Variants in ADAM10 observed in about 807,000 individuals in gnomAD.
The protein encoded by ADAM10 is disintegrin and metalloproteinase domain-containing protein 10.
Under a neutral mutation model 90.1 loss-of-function variants are expected in ADAM10, and 17 were observed. The observed-to-expected ratio is 0.19, with a 90% CI of 0.13 to 0.28. ADAM10 has a LOEUF of 0.28. ADAM10 is among the 10% of genes least tolerant of loss of function. The pLI, the probability that ADAM10 is intolerant of heterozygous loss-of-function variation, is 1.00. For synonymous variants in ADAM10, 310 were observed against 298.6 expected (o/e 1.04, Z -0.40); for missense variants, 610 against 914.3 (o/e 0.67, Z 4.29).
chr15:58,728,955 G>A (rs1306844510), intron 1 of ADAM10, among the ~76,000 whole-genome samples: 1 of 152,126 alleles, frequency 6.6e-6, no homozygotes, highest in Non-Finnish European at 1.5e-5. Context: ...AAGAACATTG[G>A]GGGAAACCAA....
chr15:58,682,281 G>C lies in ADAM10; in HGVS notation c.240C>G (p.Ser80=). Residue 80 remains serine (S), a synonymous_variant, in exon 3 of 16, where the codon TCC becomes TCG. Transcript: ENST00000260408. The stretch of plus-strand genomic sequence containing the variant: ...CTACTTTAAATTCATCACTGAAAAG[G>C]GAAGTGTCCCTCTTCATTCGTAGGT... ...HFNLRMKRDT[S]LFSDEFKVET... is the part of the protein sequence containing the mutation. The C allele has an allele frequency of 5.6e-6, 9 of 1,612,928 alleles. No homozygotes were observed. The highest frequency in any genetic ancestry group is 7.6e-6 in the Non-Finnish European group (9 of 1,179,472).
chr15:58,680,183 C>T (rs1897391255), intron 3 of ADAM10, among the ~76,000 whole-genome samples: 1 of 152,088 alleles, frequency 6.6e-6, no homozygotes, highest in Admixed American at 6.6e-5. Flanking sequence ...AGTGCAGTGA[C>T]GAGCTCATGG....
chr15:58,624,541 T>C (rs1211776868), intron 10 of ADAM10, among the ~76,000 whole-genome samples: 1 of 152,204 alleles, frequency 6.6e-6, no homozygotes, highest in East Asian at 1.9e-4. Context: ...ACTGTTTGTT[T>C]GTTTGTCTGA....
Position 58,610,325 on chromosome 15 carries a change from AGCTCTGGACTAAAAATT to A in ADAM10, c.1980_1996del (p.Ile661LeufsTer2). The A allele has an allele frequency of 6.2e-7, 1 of 1,614,140 alleles. No individual in the cohort carries two copies. The highest frequency in any genetic ancestry group is 8.5e-7 in the Non-Finnish European group (1 of 1,179,974). On this transcript the variant is annotated frameshift_variant, in exon 14 of 16. Transcript: ENST00000260408. LOFTEE classifies it high-confidence loss of function. ...AATCCATTCAGCAATGTTTTCATAG[AGCTCTGGACTAAAAATT>A]GCTTTTTTAAGCCTAGCTAGAGGAC...
At chr15:58,639,116 A>T (rs1166331251) in intron 8 of ADAM10, among the ~76,000 whole-genome samples, 1 of 152,196 alleles carries the variant, frequency 6.6e-6, no homozygotes, top group Non-Finnish European at 1.5e-5. Context: ...TCACTTACCC[A>T]GGAGGCATTT....
At chr15:58,601,405 G>C (rs531762203) in intron 14 of ADAM10, among the ~76,000 whole-genome samples, 184 of 152,268 alleles carry the variant, frequency 1.2e-3, no homozygotes, top group Non-Finnish European at 2.2e-3. Context: ...AGGTTACAGT[G>C]AGCCGAGATT....
At chr15:58,749,090 C>G (rs1306592347) in intron 1 of ADAM10, 4 of 398,386 alleles carry the variant, frequency 1.0e-5, no homozygotes. Flanking sequence ...GCGAGACCGC[C>G]AGCCTCGCTG....
chr15:58,692,072 AC>A, intron 2 of ADAM10: 1 of 475,308 alleles, frequency 2.1e-6, no homozygotes. Context: ...TTAAGAGTCA[AC>A]CATACCACGG....
intron 15 of ADAM10, 113 bp from the exon 16 acceptor site, chr15:58,597,754 T>C: frequency 3.7e-6 from 4 of 1,089,492 alleles, no homozygotes; most frequent in Admixed American, 5.0e-5. Context: ...TGTCCAATAA[T>C]ATGGGCCATC....
intron 5 of ADAM10, among the ~76,000 whole-genome samples, chr15:58,663,045 G>T (rs1897006315): frequency 6.6e-6 from 1 of 152,180 alleles, no homozygotes. Flanking sequence ...TCTAATGTTT[G>T]AAAATAATTG....
intron 5 of ADAM10, among the ~76,000 whole-genome samples, chr15:58,662,234 T>C (rs779615244): frequency 6.6e-6 from 1 of 152,180 alleles, no homozygotes; most frequent in Non-Finnish European, 1.5e-5. Context: ...CAGTTTGACA[T>C]TTTTGAGGTT....
intron 8 of ADAM10, among the ~76,000 whole-genome samples, chr15:58,634,301 A>T (rs1385084931): frequency 8.3e-6 from 1 of 120,274 alleles, no homozygotes; most frequent in Admixed American, 9.1e-5. Flanking sequence ...CACTCTGTCT[A>T]AAAAAAAAAA....
At chr15:58,676,404 T>C (rs1167774527) in intron 4 of ADAM10, 4 of 394,242 alleles carry the variant, frequency 1.0e-5, no homozygotes, top group African/African-American at 8.4e-5. Flanking sequence ...TATTAAGCCA[T>C]AATAATTATT....
intron 5 of ADAM10, among the ~76,000 whole-genome samples, chr15:58,652,234 G>A (rs184722205): frequency 2.6e-5 from 4 of 151,996 alleles, no homozygotes; most frequent in South Asian, 2.1e-4. Context: ...TTGCTGAGCC[G>A]CAGCTTTTAA....
At chr15:58,698,658 T>C (rs1284568076) in intron 2 of ADAM10, among the ~76,000 whole-genome samples, 1 of 144,850 alleles carries the variant, frequency 6.9e-6, no homozygotes, top group Non-Finnish European at 1.5e-5. Context: ...TTGAATGAAA[T>C]ACAAAAATTA....
chr15:58,702,112 A>G (rs1251966400), intron 2 of ADAM10, among the ~76,000 whole-genome samples: 1 of 152,194 alleles, frequency 6.6e-6, no homozygotes, highest in Admixed American at 6.5e-5. Context: ...TCTCAAAAAA[A>G]AGAAAAAGAA....
rs1275097228 is a variant in ADAM10, at chr15:58,591,655, T to C, written c.*5892A>G. ...CCAAGTGCCCATCACCCAGCTTCAA[T>C]AATTATCAACTCACAGCCAATCTTG... On this transcript the variant is annotated 3_prime_UTR_variant, in exon 16 of 16. Coordinates refer to ENST00000260408, the MANE Select transcript of ADAM10 (RefSeq NM_001110.4). The C allele has an allele frequency of 6.6e-6, 1 of 152,224 alleles. No homozygotes were observed. Among genetic ancestry groups the C allele is most frequent in the African/African-American group, 2.4e-5 (1 of 41,458 alleles). 9.4% of individuals were successfully genotyped at this position (152,224 alleles called of 1,614,324 possible).
chr15:58,629,581 C>T (rs1896043499), intron 9 of ADAM10: 1 of 152,088 alleles, frequency 6.6e-6, no homozygotes, highest in Non-Finnish European at 1.5e-5. Flanking sequence ...AAACTATAAT[C>T]TTTGTGACAA....
chr15:58,633,460 C>G, intron 8 of ADAM10, 101 bp from the exon 9 acceptor site: 1 of 1,044,670 alleles, frequency 9.6e-7, no homozygotes, highest in Non-Finnish European at 1.4e-6. Context: ...ATATTTTAAT[C>G]TAAAATAGAA....
Sources: gnomAD v4.1 joint callset for allele counts (sites outside exome capture counted in the v4.1 genomes callset) on GRCh38, gnomAD v4.1.1 for gene constraint, MANE v1.5 for transcripts, NCBI Gene and HGNC (gene_info 2026-07-23, HGNC 2026-07-21) for gene names.